The following CAB39 variants were observed in gnomAD, a reference collection of about 807,000 sequenced individuals.
CAB39 encodes calcium binding protein 39.
CAB39 carries 8 observed loss-of-function variants against 40.0 expected under a neutral mutation model. That is an observed-to-expected ratio of 0.20 (90% CI 0.12 to 0.36). The LOEUF (loss-of-function observed/expected upper bound fraction) is 0.36. Ranked by LOEUF, CAB39 falls within the 10% of genes least tolerant of loss-of-function variation. The pLI, the probability that CAB39 is intolerant of heterozygous loss-of-function variation, is 1.00. For synonymous variants in CAB39, 156 were observed against 141.6 expected, an observed-to-expected ratio of 1.10 and a Z score of -0.72; for missense variants, 270 against 401.1, an observed-to-expected ratio of 0.67 and a Z score of 2.79.
intron 2 of CAB39, among the ~76,000 whole-genome samples, chr2:230,782,813 C>CTTTTTTTTTTTT (rs1212977897): frequency 1.2e-4 from 10 of 81,764 alleles, no homozygotes; most frequent in South Asian, 3.2e-4. Context: ...TTCTTTCTTT[C>CTTTTTTTTTTTT]TTTTTTTTTT....
intron 1 of CAB39, among the ~76,000 whole-genome samples, chr2:230,723,626 C>T (rs753074158): frequency 1.6e-4 from 25 of 152,280 alleles, no homozygotes; most frequent in Non-Finnish European, 2.8e-4. Flanking sequence ...CCATGGCACC[C>T]AGAACCCCCT....
chr2:230,772,675 C>T (rs1032172522), intron 2 of CAB39, among the ~76,000 whole-genome samples: 8 of 151,810 alleles, frequency 5.3e-5, no homozygotes, highest in African/African-American at 9.7e-5. Context: ...TTAGTAGAGA[C>T]GGGGTTTCAC....
intron 1 of CAB39, among the ~76,000 whole-genome samples, chr2:230,732,660 G>GA (rs1385093870): frequency 1.3e-5 from 2 of 152,130 alleles, no homozygotes; most frequent in East Asian, 1.9e-4. Context: ...TCAGTAGGGA[G>GA]AAAAAACTCG....
intron 3 of CAB39, 108 bp downstream of exon 3, chr2:230,791,144 A>G (rs1367257275): frequency 3.5e-6 from 3 of 854,590 alleles, no homozygotes. Flanking sequence ...CTCTTGGCTC[A>G]GGGTTACTGA....
At chr2:230,724,649 C>G (rs997643392) in intron 1 of CAB39, among the ~76,000 whole-genome samples, 1 of 149,460 alleles carries the variant, frequency 6.7e-6, no homozygotes, top group Non-Finnish European at 1.5e-5. Flanking sequence ...CCATTGCACT[C>G]CAGCCTGGGC....
intron 1 of CAB39, among the ~76,000 whole-genome samples, chr2:230,733,768 C>T (rs1289424841): frequency 6.6e-6 from 1 of 152,180 alleles, no homozygotes; most frequent in East Asian, 1.9e-4. Context: ...CATATCCCTT[C>T]CAAGTTTTAG....
intron 2 of CAB39, chr2:230,778,992 G>A (rs1695643016): frequency 6.6e-6 from 1 of 152,098 alleles, no homozygotes. Context: ...TCCTCACCCT[G>A]GGAGGGAAAG....
At chr2:230,793,116 A>G in intron 3 of CAB39, 97 bp from the exon 4 acceptor site, 2 of 663,310 alleles carry the variant, frequency 3.0e-6, no homozygotes, top group Non-Finnish European at 5.5e-6. Flanking sequence ...CAGTCATAAC[A>G]ATAAGTACAA....
intron 1 of CAB39, among the ~76,000 whole-genome samples, chr2:230,745,741 C>T (rs1413673006): frequency 3.9e-5 from 6 of 152,078 alleles, no homozygotes; most frequent in Non-Finnish European, 8.8e-5. Context: ...ATTCTCCTGC[C>T]TCAGCCTCCA....
intron 2 of CAB39, among the ~76,000 whole-genome samples, chr2:230,790,179 C>T (rs995763554): frequency 6.6e-6 from 1 of 151,852 alleles, no homozygotes; most frequent in Non-Finnish European, 1.5e-5. Flanking sequence ...GAAGTTGAGT[C>T]GGCAGTGAGC....
Position 230,766,674 on chromosome 2 carries a change from A to G in CAB39, c.114+6559A>G, listed in dbSNP as rs544058331. 2.6e-5 allele frequency among the ~76,000 whole-genome samples: 4 copies of G among 152,342 alleles called. No homozygotes were observed. In the East Asian group the frequency reaches 5.8e-4, roughly 22 times the overall value. On this transcript the variant is annotated intron_variant, in intron 2 of 8. Coordinates refer to ENST00000258418, the MANE Select transcript of CAB39 (RefSeq NM_016289.4). ...CTGCCAAGTAGCTGGGACTACAAGC[A>G]TGTGCCACCATGTTTGGCAAATTTT...
chr2:230,758,928 A>C (rs1246597820), intron 1 of CAB39, among the ~76,000 whole-genome samples: 1 of 152,138 alleles, frequency 6.6e-6, no homozygotes, highest in Non-Finnish European at 1.5e-5. Context: ...ACATGTTCCC[A>C]AGTCACTTCC....
intron 1 of CAB39, among the ~76,000 whole-genome samples, chr2:230,729,614 G>A (rs562734512): frequency 5.9e-5 from 9 of 152,180 alleles, no homozygotes; most frequent in Non-Finnish European, 8.8e-5. Flanking sequence ...TCAGCTGGGC[G>A]TGGTGGCATG....
intron 4 of CAB39, among the ~76,000 whole-genome samples, chr2:230,793,894 G>A (rs1486407674): frequency 6.6e-6 from 1 of 152,168 alleles, no homozygotes; most frequent in Non-Finnish European, 1.5e-5. Flanking sequence ...GGTCTAAGCA[G>A]GCATTAATGT....
intron 3 of CAB39, among the ~76,000 whole-genome samples, chr2:230,791,908 T>C (rs1695898996): frequency 6.6e-6 from 1 of 152,210 alleles, no homozygotes; most frequent in Non-Finnish European, 1.5e-5. Flanking sequence ...GCCATGCCTC[T>C]TTAACTCTTT....
Position 230,737,162 on chromosome 2 carries a change from A to T in CAB39, c.-43-22797A>T, listed in dbSNP as rs1467798776. On this transcript the variant is annotated intron_variant, in intron 1 of 8. Coordinates refer to ENST00000258418, the MANE Select transcript of CAB39 (RefSeq NM_016289.4). ...AGTTTTAAAGTAATTTTTAGAAAAAATTTTTTAAATTGATGACACTGAAAC... is the reference window on the plus strand; with the variant it reads ...AGTTTTAAAGTAATTTTTAGAAAAATTTTTTTAAATTGATGACACTGAAAC... Among the ~76,000 whole-genome samples, 3 of 152,138 alleles carry T rather than the reference A, an allele frequency of 2.0e-5. No homozygotes were observed. The East Asian group carries it at 5.8e-4, about 29-fold the overall frequency.
chr2:230,752,302 A>G (rs989065872), intron 1 of CAB39: 1 of 152,166 alleles, frequency 6.6e-6, no homozygotes, highest in Non-Finnish European at 1.5e-5. Context: ...AGACAACCAG[A>G]TCTCACACAA....
intron 1 of CAB39, among the ~76,000 whole-genome samples, chr2:230,744,309 T>C (rs1694935556): frequency 2.0e-5 from 3 of 152,014 alleles, no homozygotes; most frequent in Non-Finnish European, 1.5e-5. Context: ...TTTTCTTTTT[T>C]TGGAGACAAA....
At chr2:230,758,643 T>G (rs568322038) in intron 1 of CAB39, among the ~76,000 whole-genome samples, 1 of 152,230 alleles carries the variant, frequency 6.6e-6, no homozygotes. Flanking sequence ...AGAAGTGTTA[T>G]GATACTATGC....
Sources: gnomAD v4.1 joint callset for allele counts (sites outside exome capture counted in the v4.1 genomes callset) on GRCh38, gnomAD v4.1.1 for gene constraint, MANE v1.5 for transcripts, NCBI Gene and HGNC (gene_info 2026-07-23, HGNC 2026-07-21) for gene names.